MAP3K7CL: variants seen among roughly 807,000 people sequenced by gnomAD.
MAP3K7CL encodes the protein MAP3K7 C-terminal like, also known as MAP3K7 C-terminal-like protein.
MAP3K7CL carries 16 observed loss-of-function variants against 18.6 expected under a neutral mutation model. That is an observed-to-expected ratio of 0.86 (90% confidence interval 0.58 to 1.31). MAP3K7CL has a LOEUF of 1.31. MAP3K7CL is among the 50% of genes most tolerant of loss of function. The probability of loss-of-function intolerance (pLI) is 0.00; values close to 1 mark genes in which losing one functional copy is unlikely to be tolerated. For synonymous variants in MAP3K7CL, 65 were observed against 66.8 expected (o/e 0.97, Z 0.13); for missense variants, 163 against 174.4 (o/e 0.93, Z 0.37).
intron 4 of MAP3K7CL, among the ~76,000 whole-genome samples, chr21:29,171,806 C>CAA (rs34411156): frequency 3.3e-3 from 273 of 82,946 alleles, no homozygotes; most frequent in Admixed American, 0.012. Context: ...GACTCCATCT[C>CAA]AAAAAAAAAA....
At chr21:29,162,810 A>G (rs562344076) in intron 4 of MAP3K7CL, among the ~76,000 whole-genome samples, 75 of 152,182 alleles carry the variant, frequency 4.9e-4, no homozygotes, top group African/African-American at 1.8e-3. Flanking sequence ...CAACAATATT[A>G]AAATGAAAAA....
chr21:29,124,050 G>T (rs1431161847), intron 4 of MAP3K7CL, among the ~76,000 whole-genome samples: 4 of 151,894 alleles, frequency 2.6e-5, no homozygotes, highest in Non-Finnish European at 5.9e-5. Context: ...CTGCTGTCTA[G>T]GTGTTTATAG....
At chr21:29,170,309 AATT>A (rs1410769834) in intron 4 of MAP3K7CL, among the ~76,000 whole-genome samples, 1 of 152,218 alleles carries the variant, frequency 6.6e-6, no homozygotes, top group Non-Finnish European at 1.5e-5. Context: ...GTAAAGAAGA[AATT>A]ATTATTGACT....
chr21:29,091,252 C>G (rs1453726613), intron 1 of MAP3K7CL, among the ~76,000 whole-genome samples: 2 of 152,178 alleles, frequency 1.3e-5, no homozygotes, highest in Non-Finnish European at 2.9e-5. Flanking sequence ...CTCAGAAAAT[C>G]TTTATGACTA....
Position 29,090,408 on chromosome 21 carries a change from G to A in MAP3K7CL, c.58-1093G>A, listed in dbSNP as rs556016936. Reference sequence around the variant, plus strand: ...TTGTTGTTTTTTTTTTGAGACAGAGGCTCACTCTGTCGCCCAGGCTGGAGT... The same window carrying A: ...TTGTTGTTTTTTTTTTGAGACAGAGACTCACTCTGTCGCCCAGGCTGGAGT... On this transcript the variant is annotated intron_variant, in intron 1 of 6. Coordinates refer to the MAP3K7CL transcript ENST00000286791. Among the ~76,000 whole-genome samples the A allele has an allele frequency of 4.0e-5, 6 of 151,844 alleles. No homozygotes were observed. The South Asian group carries it at 1.2e-3, about 32-fold the overall frequency.
intron 4 of MAP3K7CL, among the ~76,000 whole-genome samples, chr21:29,115,780 G>GC (rs2086495109): frequency 6.6e-6 from 1 of 152,246 alleles, no homozygotes; most frequent in Admixed American, 6.5e-5. Flanking sequence ...CTGAGCATGG[G>GC]CCCTGTGACA....
At chr21:29,132,712 G>A (rs1033161691) in intron 1 of MAP3K7CL, among the ~76,000 whole-genome samples, 1 of 152,144 alleles carries the variant, frequency 6.6e-6, no homozygotes, top group Non-Finnish European at 1.5e-5. Flanking sequence ...GTTTTCTCAT[G>A]TTGGTCAAGC....
chr21:29,130,990 T>TA, intron 1 of MAP3K7CL, 67 bp downstream of exon 1: 1 of 922,346 alleles, frequency 1.1e-6, no homozygotes, highest in Middle Eastern at 5.6e-4. Context: ...AAAGCTCTGT[T>TA]ACAGCCTGTA....
chr21:29,137,981 ATAATG>A (rs1472659636), intron 2 of MAP3K7CL, among the ~76,000 whole-genome samples: 1 of 152,204 alleles, frequency 6.6e-6, no homozygotes, highest in Non-Finnish European at 1.5e-5. Context: ...CCTGCATTAG[ATAATG>A]TAATGGGATG....
chr21:29,092,887 C>G (rs2086054650), intron 4 of MAP3K7CL, among the ~76,000 whole-genome samples: 3 of 152,198 alleles, frequency 2.0e-5, no homozygotes, highest in Admixed American at 2.0e-4. Context: ...ACGTCTCTGA[C>G]TCAGGCTCAC....
intron 4 of MAP3K7CL, among the ~76,000 whole-genome samples, chr21:29,169,631 T>C (rs1048065168): frequency 6.6e-6 from 1 of 152,216 alleles, no homozygotes; most frequent in African/African-American, 2.4e-5. Flanking sequence ...TAAAAGTCCC[T>C]AGTTAACTTT....
intron 4 of MAP3K7CL, among the ~76,000 whole-genome samples, chr21:29,111,005 C>G (rs2086409857): frequency 6.6e-6 from 1 of 151,992 alleles, no homozygotes; most frequent in Admixed American, 6.6e-5. Flanking sequence ...GGCTGTAATC[C>G]CAGCACTTTG....
At chr21:29,082,462 T>C (rs1290316669), upstream of MAP3K7CL, among the ~76,000 whole-genome samples, 1 of 152,008 alleles carries the variant, frequency 6.6e-6, no homozygotes, top group Non-Finnish European at 1.5e-5. Context: ...AGCTGGTGGG[T>C]GGGCTTGGGG....
At position 29,160,064 on chromosome 21, in the gene MAP3K7CL, C is replaced by T. The variant is rs1445966752; in HGVS notation, c.248+8C>T. ...CCTGCTTGAGCAAAGGAAGTAAGTA[C>T]CTACCCCCCTCACTCTACATCTGAG... On this transcript the variant is annotated splice_region_variant and intron_variant, in intron 4 of 4. Transcript: ENST00000399928. 1 of 1,603,336 alleles carries T rather than the reference C, an allele frequency of 6.2e-7. No homozygotes were observed. Among genetic ancestry groups the T allele is most frequent in the Admixed American group, 1.7e-5 (1 of 59,974 alleles).
chr21:29,148,400 G>C (rs1035121097), intron 2 of MAP3K7CL, among the ~76,000 whole-genome samples: 2 of 152,072 alleles, frequency 1.3e-5, no homozygotes, highest in Non-Finnish European at 2.9e-5. Flanking sequence ...ACCAAGGCTC[G>C]GTCAGCACTA....
chr21:29,161,727 CA>C (rs2087553892), intron 4 of MAP3K7CL, among the ~76,000 whole-genome samples: 1 of 151,722 alleles, frequency 6.6e-6, no homozygotes, highest in Non-Finnish European at 1.5e-5. Context: ...TTAATTTTTA[CA>C]AAAAGCGAAT....
chr21:29,078,979 T>G (rs1441390947), intron 1 of MAP3K7CL, among the ~76,000 whole-genome samples: 1 of 152,204 alleles, frequency 6.6e-6, no homozygotes, highest in African/African-American at 2.4e-5. Flanking sequence ...ACTAGCCAAA[T>G]GTGCCAACTC....
intron 2 of MAP3K7CL, among the ~76,000 whole-genome samples, chr21:29,136,206 G>T (rs1384429409): frequency 6.6e-6 from 1 of 152,210 alleles, no homozygotes; most frequent in Non-Finnish European, 1.5e-5. Flanking sequence ...TGCACAAAAA[G>T]ATGCTTTGCA....
chr21:29,103,596 G>A (rs545307143), intron 4 of MAP3K7CL, among the ~76,000 whole-genome samples: 5 of 152,050 alleles, frequency 3.3e-5, no homozygotes, highest in African/African-American at 9.7e-5. Flanking sequence ...TTAGCCAGGC[G>A]TGGTGGCATG....
Sources: allele counts gnomAD v4.1 joint callset (sites outside exome capture counted in the v4.1 genomes callset), GRCh38; gene constraint gnomAD v4.1.1; transcripts MANE v1.5; gene names NCBI Gene and HGNC (gene_info 2026-07-23, HGNC 2026-07-21).